GGA3: variants seen among roughly 807,000 people sequenced by gnomAD.
GGA3 encodes ADP-ribosylation factor-binding protein GGA3.
A neutral mutation model predicts 77.5 loss-of-function variants in GGA3; 57 were observed. That is an observed-to-expected ratio of 0.74 (90% confidence interval 0.59 to 0.92). The LOEUF (loss-of-function observed/expected upper bound fraction) is 0.92, where lower values mean the gene tolerates loss of function less well. Ranked by LOEUF, GGA3 falls within the 40% of genes least tolerant of loss-of-function variation. The probability of loss-of-function intolerance (pLI) is 0.00; values close to 1 mark genes in which losing one functional copy is unlikely to be tolerated. For synonymous variants in GGA3, 416 were observed against 383.7 expected (o/e 1.08, Z -0.98); for missense variants, 970 against 914.9 (o/e 1.06, Z -0.78).
In GGA3 at chr17:75,238,232, G is replaced by T; in HGVS notation, c.*47C>A. The T allele has an allele frequency of 6.2e-7, 1 of 1,601,558 alleles. No individual in the cohort carries two copies. ...CGGGACCAGAGCCCTCCTCGTCTCA[G>T]GGCAGCCTGCCTGGCTTCAAGGTGG... is the stretch of plus-strand genomic sequence containing the variant. On this transcript the variant is annotated 3_prime_UTR_variant, in exon 17 of 17. Coordinates refer to ENST00000537686, the MANE Select transcript of GGA3 (RefSeq NM_138619.4).
intron 1 of GGA3, among the ~76,000 whole-genome samples, chr17:75,259,830 C>A (rs1199469659): frequency 6.6e-6 from 1 of 152,178 alleles, no homozygotes; most frequent in East Asian, 1.9e-4. Flanking sequence ...GACTCCCCCC[C>A]ACCAAGTGTG....
chr17:75,240,664 C>T (rs2076516882), intron 11 of GGA3, 148 bp downstream of exon 11: 4 of 924,824 alleles, frequency 4.3e-6, no homozygotes, highest in African/African-American at 1.7e-5. Flanking sequence ...CCCTCAGGGT[C>T]GCTGAACTTC....
rs1374870558 is a variant in GGA3, at chr17:75,246,711, C to T, written c.125+1G>A. The T allele has an allele frequency of 3.7e-6, 6 of 1,612,914 alleles. No individual in the cohort carries two copies. The highest frequency in any genetic ancestry group is 5.1e-6 in the Non-Finnish European group (6 of 1,178,866). ...GCTGCCCCCACAGTGCTGAGACTCACCCTTCCAGCTCCTTGTTGATCTGAT... is the reference window on the plus strand; with the variant it reads ...GCTGCCCCCACAGTGCTGAGACTCATCCTTCCAGCTCCTTGTTGATCTGAT... On this transcript the variant is annotated splice_donor_variant, in intron 2 of 16. Coordinates refer to ENST00000537686, the MANE Select transcript of GGA3 (RefSeq NM_138619.4). LOFTEE classifies it high-confidence loss of function.
chr17:75,238,601 C>T lies in GGA3; in HGVS notation c.2061+51G>A, dbSNP rs2076403995. The T allele has an allele frequency of 4.5e-6, 6 of 1,318,972 alleles. No homozygotes were observed. The South Asian group carries it at 4.9e-5, about 11-fold the overall frequency. 81.7% of individuals were successfully genotyped at this position (1,318,972 alleles called of 1,614,324 possible). On this transcript the variant is annotated intron_variant, in intron 16 of 16. Coordinates refer to ENST00000537686, the MANE Select transcript of GGA3 (RefSeq NM_138619.4). ...GAGGTGGTGGGCCTGACGTCCTAAT[C>T]TGGGGCAGCTGGGGCCTCAGGCTGG...
At chr17:75,258,646 G>A (rs1567809599) in intron 1 of GGA3, among the ~76,000 whole-genome samples, 1 of 152,072 alleles carries the variant, frequency 6.6e-6, no homozygotes, top group Non-Finnish European at 1.5e-5. Context: ...TTCCAGCCTG[G>A]GTGACAGTGC....
In GGA3 at chr17:75,246,554, G is replaced by A; in HGVS notation, c.156C>T (p.His52=). The change falls in exon 3 of 17, where the codon CAC becomes CAT. Residue 52 remains histidine, a synonymous_variant. Transcript: ENST00000537686. ...GPQIAVRLLA[H]KIQSPQEWEA... ...CCCATTCCTGTGGGGACTGGATCTT[G>A]TGGGCCAGCAGTCGGACGGCGATCT... 1 of 1,613,996 alleles carries A rather than the reference G, an allele frequency of 6.2e-7. No individual in the cohort carries two copies. The highest frequency in any genetic ancestry group is 8.5e-7 in the Non-Finnish European group (1 of 1,179,844).
intron 3 of GGA3, 83 bp downstream of exon 3, chr17:75,246,426 C>G: frequency 1.1e-6 from 1 of 924,706 alleles, no homozygotes; most frequent in South Asian, 1.3e-5. Context: ...GGCAGGAGCC[C>G]TAAGAACCGC....
chr17:75,257,441 C>G (rs1004590931), intron 1 of GGA3, among the ~76,000 whole-genome samples: 1 of 152,162 alleles, frequency 6.6e-6, no homozygotes, highest in Non-Finnish European at 1.5e-5. Flanking sequence ...CGTGCTATCC[C>G]CAAACTGCCA....
At chr17:75,244,520 C>T (rs768022818) in intron 4 of GGA3, 99 bp downstream of exon 4, 1 of 799,240 alleles carries the variant, frequency 1.3e-6, no homozygotes, top group South Asian at 1.4e-5. Context: ...AATCTCAGCT[C>T]CCTGGAGATG....
At chr17:75,248,107 G>A (rs1288302036) in intron 1 of GGA3, among the ~76,000 whole-genome samples, 1 of 152,096 alleles carries the variant, frequency 6.6e-6, no homozygotes, top group Non-Finnish European at 1.5e-5. Context: ...AGCCCCTCCC[G>A]ACAAGGCCCT....
In GGA3 at chr17:75,246,569, G is replaced by C. The variant is rs780303679; in HGVS notation, c.141C>G (p.Val47=). ...NKELEGPQIA[V]RLLAHKIQSP... ...ACTGGATCTTGTGGGCCAGCAGTCG[G>C]ACGGCGATCTGTGGCCTGGGGGACA... Residue 47 remains valine (V), a synonymous_variant, in exon 3 of 17, where the codon GTC becomes GTG. Coordinates refer to ENST00000537686, the MANE Select transcript of GGA3 (RefSeq NM_138619.4). 2 of 1,613,764 alleles carry C rather than the reference G, an allele frequency of 1.2e-6. No individual in the cohort carries two copies. Among genetic ancestry groups the C allele is most frequent in the Non-Finnish European group, 1.7e-6 (2 of 1,179,754 alleles).
Position 75,241,523 on chromosome 17 carries a change from C to G in GGA3, c.830-7G>C. The G allele has an allele frequency of 1.2e-6, 2 of 1,609,654 alleles. No individual in the cohort carries two copies. The highest frequency in any genetic ancestry group is 1.3e-5 in the African/African-American group (1 of 74,920). Reference sequence around the variant, plus strand: ...CTGGCTTGCAGGATGTCCCCTGGAGCAGGAAAGAGAGACTTCTCACTCCTG... The same window carrying G: ...CTGGCTTGCAGGATGTCCCCTGGAGGAGGAAAGAGAGACTTCTCACTCCTG... On this transcript the variant is annotated splice_region_variant and splice_polypyrimidine_tract_variant and intron_variant, in intron 9 of 16. Transcript: ENST00000537686.
intron 16 of GGA3, 57 bp downstream of exon 16, chr17:75,238,595 C>T: frequency 7.8e-7 from 1 of 1,276,576 alleles, no homozygotes; most frequent in Non-Finnish European, 1.1e-6. Flanking sequence ...GGCCTGACGT[C>T]CTAATCTGGG....
At position 75,238,292 on chromosome 17, in the gene GGA3, C is replaced by A. The variant is rs1413133480; in HGVS notation, c.2159G>T (p.Trp720Leu). 1 of 1,613,524 alleles carries A rather than the reference C, an allele frequency of 6.2e-7. No homozygotes were observed. The highest frequency in any genetic ancestry group is 8.5e-7 in the Non-Finnish European group (1 of 1,179,792). The stretch of plus-strand genomic sequence containing the variant: ...CGTCCTCTGGGGTCATAGGTTCCCC[C>A]ACTGTTCCACAGGAGGGAACTGGTC... Reference protein sequence around the residue: ...EVDQFPPVEQWGNL With the variant: ...EVDQFPPVEQLGNL Residue 720 changes from tryptophan (W) to leucine (L), a missense_variant, in exon 17 of 17, where the codon TGG (tryptophan) becomes TTG (leucine). Transcript: ENST00000537686.
intron 1 of GGA3, among the ~76,000 whole-genome samples, chr17:75,258,258 G>T (rs1398533715): frequency 6.6e-6 from 1 of 152,194 alleles, no homozygotes; most frequent in African/African-American, 2.4e-5. Context: ...CTGTTTGGTA[G>T]TCTCTTCACA....
At chr17:75,251,880 C>T (rs761519884) in intron 1 of GGA3, among the ~76,000 whole-genome samples, 1 of 151,276 alleles carries the variant, frequency 6.6e-6, no homozygotes, top group Non-Finnish European at 1.5e-5. Flanking sequence ...TCAGATGATT[C>T]TTCTACCTCA....
chr17:75,245,376 C>T (rs950142124), intron 3 of GGA3, among the ~76,000 whole-genome samples: 2 of 152,142 alleles, frequency 1.3e-5, no homozygotes, highest in African/African-American at 2.4e-5. Context: ...GGCCACTCTG[C>T]ACTTTATAGG....
At position 75,260,230 on chromosome 17, in the gene GGA3, C is replaced by A. The variant is rs866326261; in HGVS notation, c.40+1318G>T. On this transcript the variant is annotated intron_variant, in intron 1 of 16. Coordinates refer to ENST00000537686, the MANE Select transcript of GGA3 (RefSeq NM_138619.4). The stretch of plus-strand genomic sequence containing the variant: ...CTTAGGTCATTTAAATTATTCAATA[C>A]CCATATTAATACCTTCAAAGCAAAC... Among the ~76,000 whole-genome samples the A allele has an allele frequency of 1.2e-4, 19 of 152,312 alleles. 1 individual carries two copies. In the Middle Eastern group the frequency reaches 0.014, roughly 109 times the overall value.
chr17:75,237,901 G>C lies in GGA3; in HGVS notation c.*378C>G. ...CTCTTGTGGGGAATGACCCATGACA[G>C]TCTCTCTTTAGAGACTCCCACCCCC... On this transcript the variant is annotated 3_prime_UTR_variant, in exon 17 of 17. Transcript: ENST00000537686. 7.4e-7 allele frequency: 1 copy of C among 1,343,574 alleles called. No homozygotes were observed. The highest frequency in any genetic ancestry group is 9.5e-7 in the Non-Finnish European group (1 of 1,049,552). 83.2% of individuals were successfully genotyped at this position (1,343,574 alleles called of 1,614,324 possible).
Sources: gnomAD v4.1 joint callset for allele counts (sites outside exome capture counted in the v4.1 genomes callset) on GRCh38, gnomAD v4.1.1 for gene constraint, MANE v1.5 for transcripts, NCBI Gene and HGNC (gene_info 2026-07-23, HGNC 2026-07-21) for gene names.